The following DLG2 variants were observed in gnomAD, a reference collection of about 807,000 sequenced individuals.
DLG2 encodes discs large MAGUK scaffold protein 2, also known as disks large homolog 2.
Under a neutral mutation model 132.5 loss-of-function variants are expected in DLG2, and 45 were observed. The observed-to-expected ratio is 0.34, with a 90% CI of 0.27 to 0.44. DLG2 has a LOEUF of 0.44. Ranked by LOEUF, DLG2 falls within the 20% of genes least tolerant of loss-of-function variation. The pLI is 1.00. For missense variants in DLG2, 1,045 were observed against 1,196.9 expected (o/e 0.87, Z 1.87); for synonymous variants, 424 against 419.6 (o/e 1.01, Z -0.13).
intron 15 of DLG2, among the ~76,000 whole-genome samples, chr11:83,899,593 A>G (rs2072826965): frequency 6.6e-6 from 1 of 152,158 alleles, no homozygotes; most frequent in Non-Finnish European, 1.5e-5. Flanking sequence ...TGATGGTATC[A>G]AAAATGGGAG....
intron 8 of DLG2, among the ~76,000 whole-genome samples, chr11:84,175,654 A>G (rs1322974886): frequency 1.3e-5 from 2 of 152,060 alleles, no homozygotes; most frequent in Non-Finnish European, 2.9e-5. Flanking sequence ...CTTCTTCGCT[A>G]TCTCATATAA....
intron 4 of DLG2, among the ~76,000 whole-genome samples, chr11:85,264,598 T>C (rs2077107328): frequency 6.6e-6 from 1 of 152,086 alleles, no homozygotes; most frequent in Non-Finnish European, 1.5e-5. Context: ...GGGCTATTGA[T>C]GAGGGCCATT....
intron 3 of DLG2, among the ~76,000 whole-genome samples, chr11:85,460,246 G>A (rs2092562981): frequency 2.0e-5 from 3 of 152,198 alleles, no homozygotes; most frequent in Admixed American, 2.0e-4. Context: ...TGGAGCTCCA[G>A]TCACTAATGC....
intron 11 of DLG2, among the ~76,000 whole-genome samples, chr11:84,005,100 C>A (rs2094520663): frequency 6.6e-6 from 1 of 151,726 alleles, no homozygotes; most frequent in Non-Finnish European, 1.5e-5. Context: ...AGGCATCATA[C>A]AACCTGACTT....
chr11:84,756,486 T>G (rs1340872470), intron 6 of DLG2, among the ~76,000 whole-genome samples: 1 of 152,188 alleles, frequency 6.6e-6, no homozygotes, highest in African/African-American at 2.4e-5. Flanking sequence ...GACCTGGGCT[T>G]GCATCTCTAG....
At chr11:84,067,756 C>T (rs572113467) in intron 10 of DLG2, among the ~76,000 whole-genome samples, 16 of 152,130 alleles carry the variant, frequency 1.1e-4, no homozygotes, top group Non-Finnish European at 2.2e-4. Context: ...ACTTCTCACC[C>T]TAATGATCTG....
At chr11:85,198,842 T>C (rs998718900) in intron 4 of DLG2, among the ~76,000 whole-genome samples, 2 of 152,172 alleles carry the variant, frequency 1.3e-5, no homozygotes. Flanking sequence ...CATCAGTTGA[T>C]GGATCCAGTG....
At chr11:85,185,618 C>T (rs1399902432) in intron 4 of DLG2, among the ~76,000 whole-genome samples, 1 of 151,494 alleles carries the variant, frequency 6.6e-6, no homozygotes, top group Non-Finnish European at 1.5e-5. Context: ...TTTTTTCCAC[C>T]CTTCTATCTG....
intron 3 of DLG2, chr11:85,286,085 A>T (rs1565269609): frequency 4.5e-6 from 2 of 446,114 alleles, no homozygotes; most frequent in Admixed American, 5.1e-5. Flanking sequence ...CAGGAAAAAA[A>T]AAGTACTGAC....
intron 16 of DLG2, among the ~76,000 whole-genome samples, chr11:83,843,851 T>C (rs930736521): frequency 1.3e-5 from 2 of 152,200 alleles, no homozygotes; most frequent in African/African-American, 4.8e-5. Context: ...TCCAGTAATT[T>C]GGCATATTAG....
At chr11:85,001,308 C>T (rs377288375) in intron 6 of DLG2, among the ~76,000 whole-genome samples, 4 of 152,018 alleles carry the variant, frequency 2.6e-5, no homozygotes, top group African/African-American at 7.2e-5. Context: ...ATGTTGCCCA[C>T]ACTGGTTTTG....
rs1275848558 is a variant in DLG2, at chr11:83,965,261, A to C, written c.1201+63T>G. The C allele has an allele frequency of 2.7e-5, 41 of 1,510,018 alleles. 1 individual carries two copies. The highest frequency in any genetic ancestry group is 1.9e-4 in the South Asian group (15 of 78,262). The allele number at this position is 1,510,018 out of a possible 1,614,324, so 93.5% of individuals were successfully genotyped here. ...GGTACAAGTAGAACACTTTGTCAAC[A>C]GTTTTATAGAATTCCAGTTCTGCAA... On this transcript the variant is annotated intron_variant, in intron 13 of 27. Transcript: ENST00000376104.
intron 3 of DLG2, among the ~76,000 whole-genome samples, chr11:85,581,612 G>A (rs1468471408): frequency 3.9e-5 from 6 of 151,992 alleles, no homozygotes; most frequent in Non-Finnish European, 7.4e-5. Context: ...GTGAGACTCC[G>A]TCTTAAAACA....
At chr11:84,618,397 T>A (rs2099608240) in intron 6 of DLG2, among the ~76,000 whole-genome samples, 1 of 151,982 alleles carries the variant, frequency 6.6e-6, no homozygotes, top group East Asian at 1.9e-4. Flanking sequence ...ACGTCAATGG[T>A]TTTAATACAT....
At position 84,881,977 on chromosome 11, in the gene DLG2, A is replaced by G. The variant is rs553364731; in HGVS notation, c.357+229684T>C. 2.6e-5 allele frequency among the ~76,000 whole-genome samples: 4 copies of G among 152,242 alleles called. No homozygotes were observed. The East Asian group carries it at 7.7e-4, about 29-fold the overall frequency. On this transcript the variant is annotated intron_variant, in intron 6 of 27. Transcript: ENST00000376104. ...AGTTCTTAATATACTTTCAAAATATAATTTTAAAATGTTTGCTTTAATTGA... is the reference window on the plus strand; with the variant it reads ...AGTTCTTAATATACTTTCAAAATATGATTTTAAAATGTTTGCTTTAATTGA...
chr11:85,415,878 A>C (rs1004793308), intron 3 of DLG2, among the ~76,000 whole-genome samples: 3 of 151,992 alleles, frequency 2.0e-5, no homozygotes, highest in Admixed American at 1.3e-4. Context: ...AGTTTAATTA[A>C]ATTTCATATG....
In DLG2 at chr11:84,267,234, GATTA is replaced by G. The variant is rs928684421; in HGVS notation, c.520-15947_520-15944del. 2.0e-4 allele frequency among the ~76,000 whole-genome samples: 6 copies of G among 30,354 alleles called. No individual in the cohort carries two copies. The East Asian group carries it at 2.8e-3, about 14-fold the overall frequency. The allele number at this position is 30,354 out of a possible 152,430, so 19.9% of individuals were successfully genotyped here. A position where few individuals can be genotyped will look rare whatever the true frequency, so the allele number is the denominator to read the frequency against. ...TGTGATGATTGCGTACAAAAGTATAGATTAAAGTAGTTGGTAAGAAATTTCCCTA... is the reference window on the plus strand; with the variant it reads ...TGTGATGATTGCGTACAAAAGTATAGAAGTAGTTGGTAAGAAATTTCCCTA... On this transcript the variant is annotated intron_variant, in intron 7 of 27. Coordinates refer to ENST00000376104, the MANE Select transcript of DLG2 (RefSeq NM_001142699.3).
intron 3 of DLG2, among the ~76,000 whole-genome samples, chr11:85,495,383 A>G (rs2093647145): frequency 6.6e-6 from 1 of 152,186 alleles, no homozygotes; most frequent in Admixed American, 6.5e-5. Context: ...AAATCTATCC[A>G]TCTGATGAAG....
chr11:84,927,337 T>C (rs148471516), intron 6 of DLG2, among the ~76,000 whole-genome samples: 85 of 152,080 alleles, frequency 5.6e-4, no homozygotes, highest in African/African-American at 2.0e-3. Flanking sequence ...TTGTTTTGTT[T>C]TCTTTAGATA....
Sources: allele counts gnomAD v4.1 joint callset (sites outside exome capture counted in the v4.1 genomes callset), GRCh38; gene constraint gnomAD v4.1.1; transcripts MANE v1.5; gene names NCBI Gene and HGNC (gene_info 2026-07-23, HGNC 2026-07-21).